Variants in TVP23A observed in about 807,000 individuals in gnomAD.
The protein encoded by TVP23A is trans-golgi network vesicle protein 23 homolog A, also known as Golgi apparatus membrane protein TVP23 homolog A.
A neutral mutation model predicts 31.7 loss-of-function variants in TVP23A; 21 were observed. That is an observed-to-expected ratio of 0.66 (90% CI 0.47 to 0.95). TVP23A has a LOEUF of 0.95. TVP23A is among the 40% of genes least tolerant of loss of function. The pLI is 0.00. For missense variants in TVP23A, 279 were observed against 255.6 expected (o/e 1.09, Z -0.62); for synonymous variants, 104 against 96.0 (o/e 1.08, Z -0.49).
At chr16:10,759,360 C>T (rs553272992), downstream of TVP23A, among the ~76,000 whole-genome samples, 9 of 152,276 alleles carry the variant, frequency 5.9e-5, no homozygotes, top group South Asian at 2.1e-4. The surrounding 1 kb of genome is among the most constrained non-coding windows in gnomAD (Gnocchi z 4.7). Flanking sequence ...GACATGGGGA[C>T]GCAAGGAGGA....
chr16:10,758,692 C>T (rs1900740327), downstream of TVP23A, among the ~76,000 whole-genome samples: 1 of 152,196 alleles, frequency 6.6e-6, no homozygotes. Flanking sequence ...TGTCAGGTCC[C>T]CCAGCCTACA....
intron 2 of TVP23A, among the ~76,000 whole-genome samples, chr16:10,785,774 T>G (rs751570056): frequency 7.9e-5 from 12 of 152,316 alleles, no homozygotes; most frequent in Non-Finnish European, 1.3e-4. Flanking sequence ...TCTATGTGAT[T>G]GTACTCAATA....
intron 2 of TVP23A, among the ~76,000 whole-genome samples, chr16:10,806,869 G>A (rs1259828150): frequency 1.3e-5 from 2 of 152,180 alleles, no homozygotes; most frequent in Non-Finnish European, 2.9e-5. Context: ...ATAAATAAGA[G>A]GAAGTTAAGC....
intron 2 of TVP23A, among the ~76,000 whole-genome samples, chr16:10,815,735 T>C (rs1268959035): frequency 6.6e-6 from 1 of 152,200 alleles, no homozygotes; most frequent in African/African-American, 2.4e-5. Context: ...TCCTGAACAC[T>C]GCATTTCCCC....
At chr16:10,811,053 T>C (rs1596578946) in intron 2 of TVP23A, among the ~76,000 whole-genome samples, 1 of 152,092 alleles carries the variant, frequency 6.6e-6, no homozygotes. Flanking sequence ...GGCAAATTCA[T>C]AGGAACAGAA....
At chr16:10,762,680 C>G (rs1165257045), downstream of TVP23A, among the ~76,000 whole-genome samples, 1 of 152,194 alleles carries the variant, frequency 6.6e-6, no homozygotes, top group African/African-American at 2.4e-5. Flanking sequence ...GGAGTGCCGG[C>G]TGCACCCATG....
intron 2 of TVP23A, among the ~76,000 whole-genome samples, chr16:10,812,888 A>C (rs1158011876): frequency 6.6e-6 from 1 of 152,152 alleles, no homozygotes; most frequent in Non-Finnish European, 1.5e-5. Flanking sequence ...TTTTTTAATC[A>C]CAGTTTTTTA....
chr16:10,765,377 T>G (rs535040566), downstream of TVP23A, among the ~76,000 whole-genome samples: 2 of 147,638 alleles, frequency 1.4e-5, no homozygotes, highest in East Asian at 2.0e-4. This position sits in a 1 kb window ranked among gnomAD's most constrained non-coding sequence, Gnocchi z 4.0. Flanking sequence ...TGTGGTGGCA[T>G]GTGCCTGTGG....
chr16:10,774,367 T>C (rs2031848294), intron 3 of TVP23A, among the ~76,000 whole-genome samples: 2 of 152,144 alleles, frequency 1.3e-5, no homozygotes, highest in Non-Finnish European at 2.9e-5. Flanking sequence ...ATATTATATA[T>C]GTTTTAAATA....
Position 10,769,055 on chromosome 16 carries a change from G to C in TVP23A, c.*47C>G. 1.9e-6 allele frequency: 3 copies of C among 1,614,086 alleles called. No individual in the cohort carries two copies. The highest frequency in any genetic ancestry group is 2.5e-6 in the Non-Finnish European group (3 of 1,180,000). On this transcript the variant is annotated 3_prime_UTR_variant, in exon 8 of 8. Transcript: ENST00000299866. Reference sequence around the variant, plus strand: ...GTCGTCTTGTTTTCCAGGAATCCAAGAGTTTTGTAATCTCCATCAGTCAAA... The same window carrying C: ...GTCGTCTTGTTTTCCAGGAATCCAACAGTTTTGTAATCTCCATCAGTCAAA...
intron 2 of TVP23A, among the ~76,000 whole-genome samples, chr16:10,800,008 CTT>C (rs76396691): frequency 5.2e-4 from 30 of 57,422 alleles, no homozygotes; most frequent in Admixed American, 3.1e-3. Flanking sequence ...GAGTGGGGTT[CTT>C]TTTTTTTTTT....
chr16:10,784,592 G>GA (rs1047579036), intron 2 of TVP23A, among the ~76,000 whole-genome samples: 164 of 149,376 alleles, frequency 1.1e-3, no homozygotes, highest in African/African-American at 3.1e-3. Context: ...AAGAAAGAAA[G>GA]AAAAAAAAAC....
At chr16:10,800,412 G>C (rs1022432135) in intron 2 of TVP23A, 2 of 152,036 alleles carry the variant, frequency 1.3e-5, no homozygotes, top group African/African-American at 4.8e-5. Flanking sequence ...CTGGAACCAG[G>C]GTGTGTCTAC....
rs1180694966 is a variant in TVP23A, at chr16:10,784,566, A to AG, written c.90-9471_90-9470insC. On this transcript the variant is annotated intron_variant, in intron 2 of 7. Transcript: ENST00000299866. ...ACAGAGCAAGACCTTGTCTCAAAAA[A>AG]AATAAATAAATAAAGAAGAAAGAAA... 1.1e-3 allele frequency among the ~76,000 whole-genome samples: 157 copies of AG among 148,688 alleles called. 1 individual carries two copies. The highest frequency in any genetic ancestry group is 3.7e-3 in the African/African-American group (147 of 40,014).
At position 10,773,328 on chromosome 16, in the gene TVP23A, C is replaced by G. The variant is rs2031763231; in HGVS notation, c.438G>C (p.Leu146Phe). ...CTGGCCTTACCAGCCACTTTAGCTTCAAGGAAAATAAGGTGCTAAAAAAAA... is the reference window on the plus strand; with the variant it reads ...CTGGCCTTACCAGCCACTTTAGCTTGAAGGAAAATAAGGTGCTAAAAAAAA... ...IVFFFSTLFS[L>F]KLKWLALVVA... The change falls in exon 5 of 8, where the codon TTG becomes TTC. Residue 146 changes from leucine (L) to phenylalanine (F), a missense_variant. Physicochemically the swap from Leu to Phe is conservative, Grantham distance 22. Transcript: ENST00000299866. The G allele has an allele frequency of 1.2e-6, 2 of 1,606,280 alleles. No individual in the cohort carries two copies. Among genetic ancestry groups the G allele is most frequent in the Non-Finnish European group, 1.7e-6 (2 of 1,177,968 alleles).
chr16:10,770,332 C>T lies in TVP23A; in HGVS notation c.583-1G>A. ...GCTTCTGAAAGTCACCTGGGCAGGCCTGCAAGGGGAAAAGTCAACCATGGT... is the reference window on the plus strand; with the variant it reads ...GCTTCTGAAAGTCACCTGGGCAGGCTTGCAAGGGGAAAAGTCAACCATGGT... On this transcript the variant is annotated splice_acceptor_variant, in intron 6 of 7. Coordinates refer to ENST00000299866, the MANE Select transcript of TVP23A (RefSeq NM_001079512.4). LOFTEE classifies it high-confidence loss of function. 1.3e-6 allele frequency: 2 copies of T among 1,551,296 alleles called. No homozygotes were observed. The highest frequency in any genetic ancestry group is 1.7e-6 in the Non-Finnish European group (2 of 1,146,990).
chr16:10,773,437 G>A lies in TVP23A; in HGVS notation c.329C>T (p.Ser110Phe). ...TTCTGTGGCAGCAATGCTATTCGGA[G>A]AGACCTGTTAAAGGAAAGTAATTCA... ...SHWIFEARKV[S>F]PNSIAATEAE... The change falls in exon 5 of 8, where the codon TCT becomes TTT. Residue 110 changes from serine (S) to phenylalanine (F), a missense_variant. Transcript: ENST00000299866. 1 of 1,596,706 alleles carries A rather than the reference G, an allele frequency of 6.3e-7. No homozygotes were observed. The highest frequency in any genetic ancestry group is 8.5e-7 in the Non-Finnish European group (1 of 1,175,362).
intron 5 of TVP23A, among the ~76,000 whole-genome samples, chr16:10,772,247 G>A (rs1394288817): frequency 6.6e-6 from 1 of 152,222 alleles, no homozygotes; most frequent in Non-Finnish European, 1.5e-5. Context: ...TGAGGCTCAG[G>A]AAGACGAAAG....
Position 10,768,886 on chromosome 16 carries a change from G to C in TVP23A, c.*216C>G. On this transcript the variant is annotated 3_prime_UTR_variant, in exon 8 of 8. Coordinates refer to ENST00000299866, the MANE Select transcript of TVP23A (RefSeq NM_001079512.4). This position sits in a 1 kb window ranked among gnomAD's most constrained non-coding sequence, Gnocchi z 4.3. ...CAAGATGGGTAGTGTGAGGTATTCC[G>C]GTCACTTTCAAAGACTCAGGGCATC... 1 of 620,000 alleles carries C rather than the reference G, an allele frequency of 1.6e-6. No individual in the cohort carries two copies. Among genetic ancestry groups the C allele is most frequent in the Non-Finnish European group, 2.9e-6 (1 of 347,014 alleles). The allele number at this position is 620,000 out of a possible 1,614,324, so 38.4% of individuals were successfully genotyped here.
Sources: gnomAD v4.1 joint callset for allele counts (sites outside exome capture counted in the v4.1 genomes callset) on GRCh38, gnomAD v4.1.1 for gene constraint, Gnocchi (gnomAD v3.1) non-coding constraint, MANE v1.5 for transcripts, NCBI Gene and HGNC (gene_info 2026-07-23, HGNC 2026-07-21) for gene names.